Variants in DOCK3 observed in about 807,000 individuals in gnomAD.
DOCK3 encodes dedicator of cytokinesis protein 3.
In DOCK3, 60 loss-of-function variants were observed where a neutral mutation model predicts 265.6. That is an observed-to-expected ratio of 0.23 (90% confidence interval 0.18 to 0.28). The LOEUF (loss-of-function observed/expected upper bound fraction) is 0.28. Ranked by LOEUF, DOCK3 falls within the 10% of genes least tolerant of loss-of-function variation. The pLI, the probability that DOCK3 is intolerant of heterozygous loss-of-function variation, is 1.00. For missense variants in DOCK3, 1,981 were observed against 2,594.3 expected (o/e 0.76, Z 5.14); for synonymous variants, 881 against 938.0 (o/e 0.94, Z 1.11).
intron 5 of DOCK3, among the ~76,000 whole-genome samples, chr3:51,012,604 C>G (rs1019416661): frequency 6.6e-6 from 1 of 152,124 alleles, no homozygotes; most frequent in African/African-American, 2.4e-5. Flanking sequence ...CTGGGTGAGG[C>G]GATGCCTTGT....
At chr3:50,700,174 G>A (rs2035943307) in intron 1 of DOCK3, among the ~76,000 whole-genome samples, 1 of 152,196 alleles carries the variant, frequency 6.6e-6, no homozygotes, top group Non-Finnish European at 1.5e-5. Context: ...AGCTACTTGG[G>A]AGGCTGAGGC....
chr3:50,881,025 T>G (rs570176645), intron 3 of DOCK3, among the ~76,000 whole-genome samples: 1 of 151,878 alleles, frequency 6.6e-6, no homozygotes, highest in East Asian at 1.9e-4. Flanking sequence ...AAAGACAAAA[T>G]CCACATGATT....
At chr3:50,718,695 G>A (rs2107993188) in intron 1 of DOCK3, among the ~76,000 whole-genome samples, 1 of 149,624 alleles carries the variant, frequency 6.7e-6, no homozygotes, top group East Asian at 2.0e-4. Context: ...TTTCAATTAT[G>A]CATATATTAG....
At chr3:50,863,378 G>A (rs1427828387) in intron 3 of DOCK3, 2 of 517,482 alleles carry the variant, frequency 3.9e-6, no homozygotes, top group Admixed American at 3.9e-5. Flanking sequence ...TGCTTGACAA[G>A]TTCCCAAATA....
intron 4 of DOCK3, among the ~76,000 whole-genome samples, chr3:50,921,976 A>G (rs1435032195): frequency 6.6e-6 from 1 of 152,150 alleles, no homozygotes; most frequent in Non-Finnish European, 1.5e-5. Context: ...ACTGGGAGGT[A>G]TCTCCCAGTT....
intron 3 of DOCK3, among the ~76,000 whole-genome samples, chr3:50,844,146 T>C (rs1248107042): frequency 6.6e-6 from 1 of 152,238 alleles, no homozygotes; most frequent in East Asian, 1.9e-4. Flanking sequence ...TGATTTATAC[T>C]AATAAGTAAA....
chr3:51,288,703 G>C (rs2081556241), intron 27 of DOCK3, among the ~76,000 whole-genome samples: 1 of 152,216 alleles, frequency 6.6e-6, no homozygotes, highest in African/African-American at 2.4e-5. Flanking sequence ...CAATGGCCTA[G>C]TTTTCCTGAA....
rs1422948997 is a variant in DOCK3 at position 51,359,785 on chromosome 3, C to T, written c.4885-726C>T. Among the ~76,000 whole-genome samples, 1 of 152,228 alleles carries T rather than the reference C, an allele frequency of 6.6e-6. No homozygotes were observed. The highest frequency in any genetic ancestry group is 1.5e-5 in the Non-Finnish European group (1 of 68,034). On this transcript the variant is annotated intron_variant, in intron 46 of 52. Transcript: ENST00000266037. The surrounding 1 kb of genome is among the most constrained non-coding windows in gnomAD (Gnocchi z 4.8). The stretch of plus-strand genomic sequence containing the variant: ...AGGTGGAAAACCCGGTGCTTCTTCA[C>T]ACCAAGCTCAGAAATATCCCCAGTG...
At chr3:50,939,552 G>T (rs924208738) in intron 5 of DOCK3, among the ~76,000 whole-genome samples, 24 of 151,888 alleles carry the variant, frequency 1.6e-4, no homozygotes, top group Non-Finnish European at 4.4e-5. Flanking sequence ...GGTTTATTCT[G>T]GTAATACAAG....
At chr3:51,177,209 C>T (rs1277603287) in intron 12 of DOCK3, among the ~76,000 whole-genome samples, 1 of 152,066 alleles carries the variant, frequency 6.6e-6, no homozygotes, top group Non-Finnish European at 1.5e-5. Flanking sequence ...AGTTTGATTT[C>T]AAAATTAATT....
At chr3:51,376,339 G>A (rs904368614) in intron 51 of DOCK3, among the ~76,000 whole-genome samples, 4 of 152,102 alleles carry the variant, frequency 2.6e-5, no homozygotes, top group African/African-American at 9.7e-5. Context: ...AAGGAGTCCG[G>A]TCCTTCTGTA....
chr3:51,338,838 C>G (rs1054805186), intron 36 of DOCK3, 97 bp from the exon 37 acceptor site: 75 of 1,028,984 alleles, frequency 7.3e-5, no homozygotes, highest in Admixed American at 1.0e-4. Context: ...CTGCCCTCCC[C>G]CTCCTGCCCA....
chr3:51,287,916 A>G (rs947808396), intron 27 of DOCK3, among the ~76,000 whole-genome samples: 3 of 152,252 alleles, frequency 2.0e-5, no homozygotes, highest in Admixed American at 2.0e-4. Flanking sequence ...TAGATAAAGA[A>G]AGTGTGCTAC....
intron 2 of DOCK3, among the ~76,000 whole-genome samples, chr3:50,794,457 G>A (rs182925812): frequency 5.3e-5 from 8 of 152,248 alleles, no homozygotes; most frequent in African/African-American, 1.7e-4. Flanking sequence ...AAGTCTTCTC[G>A]TTGAATTGAA....
intron 2 of DOCK3, among the ~76,000 whole-genome samples, chr3:50,783,226 A>T (rs1207759177): frequency 6.6e-6 from 1 of 151,952 alleles, no homozygotes; most frequent in African/African-American, 2.4e-5. Flanking sequence ...TGGTAGATCT[A>T]CTTTTTGTTC....
At position 51,362,180 on chromosome 3, in the gene DOCK3, C is replaced by T. The variant is rs148397377; in HGVS notation, c.5145+183C>T. Among the ~76,000 whole-genome samples the T allele has an allele frequency of 3.3e-5, 5 of 152,356 alleles. No individual in the cohort carries two copies. In the East Asian group the frequency reaches 9.7e-4, roughly 29 times the overall value. On this transcript the variant is annotated intron_variant, in intron 48 of 52. Transcript: ENST00000266037. ...CACACACCATCCTAAGTCTCGGTTC[C>T]CAGGCCTTATTTCCCAAGAAGAAAA...
intron 22 of DOCK3, among the ~76,000 whole-genome samples, chr3:51,251,007 T>A (rs1220112772): frequency 2.0e-5 from 3 of 152,214 alleles, no homozygotes; most frequent in Non-Finnish European, 2.9e-5. Flanking sequence ...CTCCTAATGC[T>A]ATCCCTCCCC....
At position 51,252,154 on chromosome 3, in the gene DOCK3, C is replaced by G. The variant is rs111383406; in HGVS notation, c.2184+5347C>G. Among the ~76,000 whole-genome samples the G allele has an allele frequency of 4.6e-5, 7 of 152,258 alleles. 2 individuals carry two copies. The highest frequency in any genetic ancestry group is 1.7e-4 in the African/African-American group (7 of 41,534). ...CATTTCTTGTTTTTGTCAGGTTTGT[C>G]AAAGATCAGATGGTTGTAGATGTGT... On this transcript the variant is annotated intron_variant, in intron 22 of 52. Coordinates refer to ENST00000266037, the MANE Select transcript of DOCK3 (RefSeq NM_004947.5).
chr3:50,886,187 GATATAT>G lies in DOCK3; in HGVS notation c.163-3822_163-3817del, dbSNP rs141280910. 9.8e-5 allele frequency among the ~76,000 whole-genome samples: 13 copies of G among 132,746 alleles called. 1 individual carries two copies. The highest frequency in any genetic ancestry group is 3.9e-4 in the Admixed American group (5 of 12,952). 87.1% of individuals were successfully genotyped at this position (132,746 alleles called of 152,430 possible). ...CTTTCAGAATATTTTTTATTTTGGA[GATATAT>G]ATATATATATATATATTCCAGAGTT... On this transcript the variant is annotated intron_variant, in intron 3 of 52. Coordinates refer to ENST00000266037, the MANE Select transcript of DOCK3 (RefSeq NM_004947.5).
Sources: allele counts gnomAD v4.1 joint callset (sites outside exome capture counted in the v4.1 genomes callset), GRCh38; gene constraint gnomAD v4.1.1; non-coding constraint Gnocchi (gnomAD v3.1); transcripts MANE v1.5; gene names NCBI Gene and HGNC (gene_info 2026-07-23, HGNC 2026-07-21).